EMC3: variants seen among roughly 807,000 people sequenced by gnomAD.
EMC3 encodes 30 kDa protein.
In EMC3, 13 loss-of-function variants were observed where a neutral mutation model predicts 36.6. That is an observed-to-expected ratio of 0.35 (90% CI 0.23 to 0.56). EMC3 has a LOEUF of 0.56. Among genes scored for constraint, EMC3 ranks in the 20% least tolerant of loss-of-function variants. The pLI, the probability that EMC3 is intolerant of heterozygous loss-of-function variation, is 0.84. For missense variants in EMC3, 220 were observed against 324.5 expected (o/e 0.68, Z 2.47); for synonymous variants, 120 against 111.9 (o/e 1.07, Z -0.46).
intron 1 of EMC3, among the ~76,000 whole-genome samples, chr3:10,000,293 G>C (rs1286370760): frequency 6.6e-6 from 1 of 152,090 alleles, no homozygotes; most frequent in Non-Finnish European, 1.5e-5. Context: ...ACCCGCCTCG[G>C]CCTCCCAAAG....
chr3:10,001,814 G>A (rs974015400), intron 1 of EMC3, among the ~76,000 whole-genome samples: 2 of 151,844 alleles, frequency 1.3e-5, no homozygotes, highest in East Asian at 1.9e-4. Flanking sequence ...TGGCTAACAC[G>A]ATGAAACCCC....
At chr3:10,006,879 G>C (rs1200495887) in intron 1 of EMC3, 19 of 370,778 alleles carry the variant, frequency 5.1e-5, no homozygotes, top group Non-Finnish European at 1.0e-4. Context: ...CTGTGGGGAG[G>C]AGCTGGGCGA....
Position 9,986,667 on chromosome 3 carries a change from C to T in EMC3, c.-6G>A, listed in dbSNP as rs1236249240. 6.2e-7 allele frequency: 1 copy of T among 1,613,596 alleles called. No homozygotes were observed. The highest frequency in any genetic ancestry group is 8.5e-7 in the Non-Finnish European group (1 of 1,179,696). ...AACAGTTCTGGCCCTGCCATCTTCACTGAAAGCTGGTTCCCAGTCTGGAAT... is the reference window on the plus strand; with the variant it reads ...AACAGTTCTGGCCCTGCCATCTTCATTGAAAGCTGGTTCCCAGTCTGGAAT... On this transcript the variant is annotated 5_prime_UTR_variant, in exon 1 of 8. In the 5' UTR this introduces an upstream ATG that the reference lacks. Transcript: ENST00000245046.
chr3:9,972,784 A>T (rs1559350321), intron 5 of EMC3, among the ~76,000 whole-genome samples: 2 of 151,014 alleles, frequency 1.3e-5, no homozygotes, highest in Admixed American at 6.6e-5. Context: ...AACCCAAAAA[A>T]CTTTAAAAAC....
intron 1 of EMC3, chr3:9,992,852 T>C (rs2086071345): frequency 7.2e-7 from 1 of 1,382,540 alleles, no homozygotes; most frequent in African/African-American, 1.4e-5. Context: ...GTTAACTGTT[T>C]TTCTATTATT....
chr3:9,989,272 C>T (rs2086016469), upstream of EMC3, among the ~76,000 whole-genome samples: 1 of 152,152 alleles, frequency 6.6e-6, no homozygotes, highest in East Asian at 1.9e-4. Flanking sequence ...GATGATTGGC[C>T]GGGCACGGTG....
At chr3:9,973,747 T>C in intron 4 of EMC3, 38 bp from the exon 5 acceptor site, 2 of 1,576,194 alleles carry the variant, frequency 1.3e-6, no homozygotes, top group African/African-American at 1.3e-5. Context: ...CTCTGAGCTG[T>C]TTTATTTTTA....
rs187942343 is a variant in EMC3 at position 9,971,824 on chromosome 3, C to T, written c.495-1163G>A. ...ACATCCTAGAGGGCTCTGCTCAAAC[C>T]AAGTAGTCAAGATTACCACTAGTAA... On this transcript the variant is annotated intron_variant, in intron 5 of 7. Coordinates refer to ENST00000245046, the MANE Select transcript of EMC3 (RefSeq NM_001394674.1). 7.0e-4 allele frequency among the ~76,000 whole-genome samples: 106 copies of T among 152,264 alleles called. 1 individual carries two copies. The highest frequency in any genetic ancestry group is 6.8e-3 in the Admixed American group (104 of 15,288).
At chr3:10,001,358 G>A (rs899531587) in intron 1 of EMC3, among the ~76,000 whole-genome samples, 6 of 146,216 alleles carry the variant, frequency 4.1e-5, no homozygotes, top group East Asian at 4.0e-4. Context: ...TCAGGAGATC[G>A]AGACCATCCT....
rs1354949945 is a variant in EMC3, at chr3:10,007,716, CTG to C, written c.-242+3305_-242+3306del. On this transcript the variant is annotated intron_variant, in intron 1 of 8. Transcript: ENST00000470827. ...GGTTTGTCCGTGTCTGGCAGTGAAT[CTG>C]TGGGTGCAGATGCCCATCAGCACCC... 5 of 1,240,644 alleles carry C rather than the reference CTG, an allele frequency of 4.0e-6. No homozygotes were observed. In the African/African-American group the frequency reaches 6.2e-5, roughly 16 times the overall value. The allele number at this position is 1,240,644 out of a possible 1,614,324, so 76.9% of individuals were successfully genotyped here.
upstream of EMC3, among the ~76,000 whole-genome samples, chr3:9,990,325 C>CTCTTTTTT (rs756491768): frequency 4.4e-4 from 39 of 88,690 alleles, 1 homozygote; most frequent in African/African-American, 2.0e-3. Context: ...GGGCCTTTCT[C>CTCTTTTTT]TTTTTTTTTT....
At chr3:9,975,213 T>C (rs1019738700) in intron 3 of EMC3, among the ~76,000 whole-genome samples, 6 of 152,186 alleles carry the variant, frequency 3.9e-5, no homozygotes, top group African/African-American at 1.4e-4. Context: ...GTCACACCAA[T>C]CACTTTTGAG....
intron 1 of EMC3, among the ~76,000 whole-genome samples, chr3:9,982,964 A>C (rs1014715416): frequency 1.3e-4 from 20 of 152,084 alleles, no homozygotes; most frequent in Admixed American, 9.8e-4. Context: ...CAGCATGTAC[A>C]GCATTTTGCT....
chr3:10,003,198 G>A (rs1344054629), intron 1 of EMC3: 1 of 456,704 alleles, frequency 2.2e-6, no homozygotes, highest in Non-Finnish European at 4.4e-6. Context: ...ACCCAGAAAT[G>A]TCCCTGACAC....
At chr3:9,987,252 G>A (rs2085987554), upstream of EMC3, 3 of 985,306 alleles carry the variant, frequency 3.0e-6, no homozygotes, top group South Asian at 4.7e-5. Context: ...CTACAGGCGG[G>A]GACGGCTTCT....
intron 5 of EMC3, among the ~76,000 whole-genome samples, chr3:9,972,478 A>C (rs55917071): frequency 3.5e-4 from 43 of 122,206 alleles, no homozygotes; most frequent in Admixed American, 1.7e-3. Context: ...AAAAAAAAAA[A>C]AAAAAACTCT....
Position 9,996,513 on chromosome 3 carries a change from A to G in EMC3, c.-241-9611T>C, listed in dbSNP as rs140021788. Among the ~76,000 whole-genome samples, 1,081 of 151,680 alleles carry G rather than the reference A, an allele frequency of 7.1e-3. 14 individuals carry two copies. The highest frequency in any genetic ancestry group is 0.02 in the East Asian group (104 of 5,136). On this transcript the variant is annotated intron_variant, in intron 1 of 8. Coordinates refer to the EMC3 transcript ENST00000470827. ...AGATTGGAATCATAACTTGTAACTC[A>G]TTTGTATCTTTAGTGCTACCTTATG...
chr3:9,997,431 C>A (rs2086140330), intron 1 of EMC3, among the ~76,000 whole-genome samples: 1 of 152,066 alleles, frequency 6.6e-6, no homozygotes, highest in African/African-American at 2.4e-5. Context: ...CCTACTACAG[C>A]TTTAGTAATT....
chr3:9,996,505 TG>T lies in EMC3; in HGVS notation c.-241-9604del, dbSNP rs1432586983. On this transcript the variant is annotated intron_variant, in intron 1 of 8. Transcript: ENST00000470827. Reference sequence around the variant, plus strand: ...AAGAGATTAGATTGGAATCATAACTTGTAACTCATTTGTATCTTTAGTGCTA... The same window carrying T: ...AAGAGATTAGATTGGAATCATAACTTTAACTCATTTGTATCTTTAGTGCTA... Among the ~76,000 whole-genome samples the T allele has an allele frequency of 8.4e-4, 128 of 151,710 alleles. 1 individual carries two copies. The highest frequency in any genetic ancestry group is 1.6e-3 in the African/African-American group (65 of 41,216).
Sources: gnomAD v4.1 joint callset for allele counts (sites outside exome capture counted in the v4.1 genomes callset) on GRCh38, gnomAD v4.1.1 for gene constraint, MANE v1.5 for transcripts, NCBI Gene and HGNC (gene_info 2026-07-23, HGNC 2026-07-21) for gene names.